The following PDE8B variants were observed in gnomAD, a reference collection of about 807,000 sequenced individuals.
PDE8B encodes high affinity cAMP-specific and IBMX-insensitive 3',5'-cyclic phosphodiesterase 8B.
Under a neutral mutation model 101.3 loss-of-function variants are expected in PDE8B, and 26 were observed. The ratio of observed to expected loss-of-function variants is 0.26; its 90% CI spans 0.19 to 0.36. The LOEUF (loss-of-function observed/expected upper bound fraction) is 0.36. PDE8B is among the 10% of genes least tolerant of loss of function. The pLI is 1.00. For synonymous variants in PDE8B, 424 were observed against 429.3 expected (o/e 0.99, Z 0.15); for missense variants, 810 against 1,163.1 (o/e 0.70, Z 4.42).
chr5:77,307,876 T>C (rs778077018), intron 1 of PDE8B, among the ~76,000 whole-genome samples: 7 of 152,202 alleles, frequency 4.6e-5, no homozygotes, highest in Admixed American at 3.3e-4. Flanking sequence ...CTGCATTTGT[T>C]TCTCTGACCC....
chr5:77,203,291 A>G, the PDE8B span, among the ~76,000 whole-genome samples: 2 of 152,224 alleles, frequency 1.3e-5, no homozygotes, highest in Non-Finnish European at 2.9e-5. Flanking sequence ...CTGTCTCCTC[A>G]GTGGCATCTC....
At chr5:77,309,513 T>C (rs1772054515) in intron 1 of PDE8B, among the ~76,000 whole-genome samples, 1 of 152,048 alleles carries the variant, frequency 6.6e-6, no homozygotes, top group African/African-American at 2.4e-5. Flanking sequence ...ACAGGTGGTC[T>C]TGTTGGAGGG....
chr5:77,088,891 C>T, the PDE8B span: 1 of 152,200 alleles, frequency 6.6e-6, no homozygotes, highest in Non-Finnish European at 1.5e-5. Context: ...AGGGAACGGC[C>T]TTATTCTACC....
chr5:77,418,463 C>A lies in PDE8B; in HGVS notation c.2129+17C>A. On this transcript the variant is annotated intron_variant, in intron 18 of 21. Coordinates refer to ENST00000264917, the MANE Select transcript of PDE8B (RefSeq NM_003719.5). ...TATTGACAGGTTTGTTGTGCTGGGG[C>A]TCCTGTGCTCAAGTTTGTGAAGTTT... 4 of 1,570,624 alleles carry A rather than the reference C, an allele frequency of 2.5e-6. No homozygotes were observed. The highest frequency in any genetic ancestry group is 3.5e-6 in the Non-Finnish European group (4 of 1,142,898).
intron 17 of PDE8B, among the ~76,000 whole-genome samples, chr5:77,416,461 T>C (rs941013721): frequency 1.4e-4 from 22 of 152,204 alleles, no homozygotes; most frequent in African/African-American, 5.3e-4. Flanking sequence ...TGAACGTGCC[T>C]GCAGGTGACC....
intron 1 of PDE8B, among the ~76,000 whole-genome samples, chr5:77,259,203 T>TA (rs1265211229): frequency 5.9e-5 from 9 of 151,666 alleles, no homozygotes; most frequent in African/African-American, 2.2e-4. Context: ...CTCTTCCTGC[T>TA]AAAATCCCCT....
chr5:77,239,571 C>A (rs1755331366), intron 1 of PDE8B, among the ~76,000 whole-genome samples: 1 of 152,238 alleles, frequency 6.6e-6, no homozygotes, highest in African/African-American at 2.4e-5. Context: ...CAATAAACAA[C>A]ACCAATCTTT....
At chr5:77,389,008 T>C (rs1178831614) in intron 10 of PDE8B, among the ~76,000 whole-genome samples, 1 of 152,166 alleles carries the variant, frequency 6.6e-6, no homozygotes, top group Non-Finnish European at 1.5e-5. Flanking sequence ...CTTTCTGGGC[T>C]CTGTGGAGGT....
At chr5:77,348,068 T>C (rs1378043940) in intron 7 of PDE8B, among the ~76,000 whole-genome samples, 1 of 152,114 alleles carries the variant, frequency 6.6e-6, no homozygotes, top group Non-Finnish European at 1.5e-5. Flanking sequence ...GACCAGAGCA[T>C]CTTCCAAACC....
chr5:77,183,791 T>G, the PDE8B span, among the ~76,000 whole-genome samples: 1 of 152,190 alleles, frequency 6.6e-6, no homozygotes, highest in African/African-American at 2.4e-5. Flanking sequence ...CCAATCCCTG[T>G]GAATGGGCAT....
At chr5:77,245,916 G>A (rs376528594) in intron 1 of PDE8B, among the ~76,000 whole-genome samples, 5 of 134,932 alleles carry the variant, frequency 3.7e-5, no homozygotes, top group African/African-American at 1.4e-4. Context: ...CAGTAGCACA[G>A]TCACAGCTCA....
chr5:77,110,700 C>T, the PDE8B span, among the ~76,000 whole-genome samples: 1 of 152,188 alleles, frequency 6.6e-6, no homozygotes, highest in Non-Finnish European at 1.5e-5. Context: ...CCACAGACTG[C>T]GATGAAGTCA....
chr5:77,289,335 G>A (rs1358835247), intron 1 of PDE8B, among the ~76,000 whole-genome samples: 2 of 152,146 alleles, frequency 1.3e-5, no homozygotes, highest in Non-Finnish European at 2.9e-5. Context: ...TTTATCTGCT[G>A]TTCTCTTAAG....
In PDE8B at chr5:77,325,710, G is replaced by C; in HGVS notation, c.571G>C (p.Asp191His). Reference sequence around the variant, plus strand: ...TGATCATAGACAAACTCAGAACTTCGATGCAGAAGCAGTGTGCAGGTACCT... The same window carrying C: ...TGATCATAGACAAACTCAGAACTTCCATGCAGAAGCAGTGTGCAGGTACCT... ...VIDHRQTQNF[D>H]AEAVCRSIRA... Residue 191 changes from aspartate to histidine, a missense_variant, in exon 3 of 22, where the codon GAT becomes CAT. Physicochemically the swap from Asp to His is moderately conservative, Grantham distance 81 (BLOSUM62 -1). This residue lies in a region of PDE8B where 251 missense variants were observed against 378.8 expected (regional missense o/e 0.66). Transcript: ENST00000264917. 1 of 1,612,084 alleles carries C rather than the reference G, an allele frequency of 6.2e-7. No individual in the cohort carries two copies. The highest frequency in any genetic ancestry group is 8.5e-7 in the Non-Finnish European group (1 of 1,178,168).
chr5:77,239,490 A>G (rs910002557), intron 1 of PDE8B, among the ~76,000 whole-genome samples: 1 of 152,152 alleles, frequency 6.6e-6, no homozygotes, highest in Non-Finnish European at 1.5e-5. Flanking sequence ...CTTGTTTGCA[A>G]TCTCTTGGTA....
the PDE8B span, among the ~76,000 whole-genome samples, chr5:77,096,901 G>A: frequency 6.6e-6 from 1 of 152,256 alleles, no homozygotes; most frequent in South Asian, 2.1e-4. Flanking sequence ...TTCCAGGTAA[G>A]GTCACACTCA....
intron 2 of PDE8B, among the ~76,000 whole-genome samples, chr5:77,323,122 T>G (rs1237418264): frequency 3.9e-5 from 6 of 152,260 alleles, no homozygotes; most frequent in Non-Finnish European, 8.8e-5. Context: ...CTACACCAAG[T>G]AAAAGGTTAT....
the PDE8B span, chr5:77,131,324 C>T: frequency 6.6e-6 from 1 of 152,234 alleles, no homozygotes; most frequent in Admixed American, 6.5e-5. Context: ...TTCACCACCA[C>T]CTGTTCCTCA....
chr5:77,294,049 A>T (rs1767971044), intron 1 of PDE8B, among the ~76,000 whole-genome samples: 1 of 152,150 alleles, frequency 6.6e-6, no homozygotes, highest in Non-Finnish European at 1.5e-5. Context: ...TTTAATGTTA[A>T]TATAATCCAA....
Sources: allele counts gnomAD v4.1 joint callset (sites outside exome capture counted in the v4.1 genomes callset), GRCh38; gene constraint gnomAD v4.1.1; regional missense constraint gnomAD v4.1.1; transcripts MANE v1.5; gene names NCBI Gene and HGNC (gene_info 2026-07-23, HGNC 2026-07-21).